USH2A: variants seen among roughly 807,000 people sequenced by gnomAD.
USH2A encodes the protein usherin.
Under a neutral mutation model 538.9 loss-of-function variants are expected in USH2A, and 443 were observed. The observed-to-expected ratio is 0.82, with a 90% CI of 0.76 to 0.89. The LOEUF is 0.89. USH2A is among the 40% of genes least tolerant of loss of function. The pLI, the probability that USH2A is intolerant of heterozygous loss-of-function variation, is 0.00. For missense variants in USH2A, 6,633 were observed against 6,324.8 expected, an observed-to-expected ratio of 1.05 and a Z score of -1.65; for synonymous variants, 2,413 against 2,273.5, an observed-to-expected ratio of 1.06 and a Z score of -1.75.
chr1:216,298,843 CT>C (rs10548505), intron 9 of USH2A, among the ~76,000 whole-genome samples: 84,136 of 143,052 alleles, frequency 0.59, 25,823 homozygotes, highest in East Asian at 0.74. Flanking sequence ...TAGGAGAATA[CT>C]TTTTTTTTTT....
At chr1:216,354,809 A>T (rs909356851) in intron 4 of USH2A, among the ~76,000 whole-genome samples, 2 of 152,122 alleles carry the variant, frequency 1.3e-5, no homozygotes, top group Non-Finnish European at 2.9e-5. Flanking sequence ...CAGAAGAAAG[A>T]AAAGGAAGCA....
intron 11 of USH2A, among the ~76,000 whole-genome samples, chr1:216,268,362 A>T (rs2036514536): frequency 6.6e-6 from 1 of 152,108 alleles, no homozygotes; most frequent in African/African-American, 2.4e-5. Flanking sequence ...AAATGAGCAT[A>T]ATAATATCTA....
At chr1:216,196,374 G>GA (rs1012906400) in intron 19 of USH2A, among the ~76,000 whole-genome samples, 179 bp downstream of exon 19, 5 of 151,958 alleles carry the variant, frequency 3.3e-5, no homozygotes, top group African/African-American at 1.2e-4. Context: ...GATTATACTG[G>GA]AAAAATACAA....
intron 60 of USH2A, among the ~76,000 whole-genome samples, chr1:215,730,468 C>T (rs916410091): frequency 6.6e-6 from 1 of 152,150 alleles, no homozygotes; most frequent in Non-Finnish European, 1.5e-5. Flanking sequence ...AGCTCTCTCT[C>T]TAGTTGAGAA....
rs74658869 is a variant in USH2A, at chr1:216,218,334, C to G, written c.2994-784G>C. 9.2e-3 allele frequency among the ~76,000 whole-genome samples: 1,407 copies of G among 152,172 alleles called. 22 individuals are homozygous for G. Among genetic ancestry groups the G allele is most frequent in the African/African-American group, 0.033 (1,362 of 41,532 alleles). ...ACTTGTTTCTTCACAGTGAATTATT[C>G]AAACATGTAGCCTATGCCAATGGCA... On this transcript the variant is annotated intron_variant, in intron 14 of 71. Coordinates refer to ENST00000307340, the MANE Select transcript of USH2A (RefSeq NM_206933.4).
intron 35 of USH2A, among the ~76,000 whole-genome samples, chr1:215,981,096 T>C (rs557630789): frequency 2.6e-5 from 4 of 152,286 alleles, no homozygotes; most frequent in African/African-American, 7.2e-5. Flanking sequence ...AAAGACCTTA[T>C]TGTCAGACTT....
At chr1:216,271,937 T>A (rs2036584113) in intron 11 of USH2A, among the ~76,000 whole-genome samples, 1 of 152,170 alleles carries the variant, frequency 6.6e-6, no homozygotes, top group South Asian at 2.1e-4. Flanking sequence ...GTATTTTACA[T>A]CTATGTTCAT....
intron 15 of USH2A, among the ~76,000 whole-genome samples, chr1:216,213,604 A>C (rs1013399266): frequency 6.6e-6 from 1 of 152,018 alleles, no homozygotes; most frequent in East Asian, 1.9e-4. Flanking sequence ...TATTTCATGG[A>C]TCTAAATGTA....
In USH2A at chr1:215,664,388, C is replaced by A. The variant is rs1423949712; in HGVS notation, c.14133+6584G>T. Reference sequence around the variant, plus strand: ...TCTTGGTGATGAATAACCATATATCCATTTATTATCTGAAGCTGATTTCAT... The same window carrying A: ...TCTTGGTGATGAATAACCATATATCAATTTATTATCTGAAGCTGATTTCAT... On this transcript the variant is annotated intron_variant, in intron 64 of 71. Transcript: ENST00000307340. Among the ~76,000 whole-genome samples the A allele has an allele frequency of 5.3e-5, 8 of 152,020 alleles. 1 individual carries two copies. The highest frequency in any genetic ancestry group is 1.7e-4 in the African/African-American group (7 of 41,374).
Position 216,255,284 on chromosome 1 carries a change from G to C in USH2A, c.1972-4186C>G, listed in dbSNP as rs146379012. On this transcript the variant is annotated intron_variant, in intron 11 of 71. Coordinates refer to ENST00000307340, the MANE Select transcript of USH2A (RefSeq NM_206933.4). ...AAATAGCTTTCATTAGCCTGGCTTG[G>C]GTCTTCCCTTCTTTTGCTAGTTTTG... Among the ~76,000 whole-genome samples, 5 of 152,182 alleles carry C rather than the reference G, an allele frequency of 3.3e-5. No individual in the cohort carries two copies. The East Asian group carries it at 9.7e-4, about 30-fold the overall frequency.
In USH2A at chr1:216,199,673, A is replaced by G. The variant is rs765867811; in HGVS notation, c.3765T>C (p.Ser1255=). The G allele has an allele frequency of 6.2e-7, 1 of 1,614,088 alleles. No individual in the cohort carries two copies. The change falls in exon 17 of 72, where the codon AGT becomes AGC. Residue 1255 remains serine (S), a synonymous_variant. Coordinates refer to ENST00000307340, the MANE Select transcript of USH2A (RefSeq NM_206933.4). ...RLSPPKMQKI[S]STELHVEWSP... ...ACCATTCTACATGAAGTTCTGTAGA[A>G]CTGATTTTCTGCATCTTAGGTGGAC...
intron 61 of USH2A, among the ~76,000 whole-genome samples, chr1:215,707,343 T>G (rs3927749): frequency 6.6e-6 from 1 of 151,966 alleles, no homozygotes; most frequent in Non-Finnish European, 1.5e-5. Context: ...AAGAATTGAG[T>G]TTAAGTTCTG....
chr1:216,133,567 T>C (rs1398085920), intron 21 of USH2A, among the ~76,000 whole-genome samples: 1 of 152,234 alleles, frequency 6.6e-6, no homozygotes, highest in East Asian at 1.9e-4. Context: ...TGCTGATCAC[T>C]TCCCTCAGCT....
chr1:215,717,740 T>C (rs1200991059), intron 61 of USH2A, among the ~76,000 whole-genome samples: 2 of 152,182 alleles, frequency 1.3e-5, no homozygotes, highest in Non-Finnish European at 2.9e-5. Flanking sequence ...TGGCCCTCAA[T>C]TGCAAATAAC....
intron 12 of USH2A, among the ~76,000 whole-genome samples, chr1:216,250,164 T>C (rs573537627): frequency 6.6e-6 from 1 of 152,294 alleles, no homozygotes; most frequent in South Asian, 2.1e-4. Flanking sequence ...TTTGTCCTTA[T>C]GTGGCGGTGG....
chr1:216,254,191 T>C (rs983742306), intron 11 of USH2A, among the ~76,000 whole-genome samples: 1 of 152,200 alleles, frequency 6.6e-6, no homozygotes, highest in Non-Finnish European at 1.5e-5. Context: ...ATATTAACTA[T>C]ATCTTAAAAT....
intron 44 of USH2A, among the ~76,000 whole-genome samples, chr1:215,862,400 A>G (rs915478480): frequency 2.8e-5 from 4 of 144,742 alleles, no homozygotes; most frequent in African/African-American, 1.0e-4. Flanking sequence ...AACATCACAC[A>G]CCGGGGCCTG....
At chr1:215,751,503 C>G (rs1660620873) in intron 58 of USH2A, among the ~76,000 whole-genome samples, 1 of 152,060 alleles carries the variant, frequency 6.6e-6, no homozygotes, top group South Asian at 2.1e-4. Flanking sequence ...ATTAGAAAGA[C>G]TCATTATTAC....
chr1:215,957,504 G>T (rs935279924), intron 37 of USH2A, among the ~76,000 whole-genome samples: 4 of 152,022 alleles, frequency 2.6e-5, no homozygotes, highest in African/African-American at 9.7e-5. Context: ...ACTTTAACTG[G>T]GTTTCAATTT....
Sources: allele counts gnomAD v4.1 joint callset (sites outside exome capture counted in the v4.1 genomes callset), GRCh38; gene constraint gnomAD v4.1.1; transcripts MANE v1.5; gene names NCBI Gene and HGNC (gene_info 2026-07-23, HGNC 2026-07-21).